TRPM3: variants seen among roughly 807,000 people sequenced by gnomAD.
TRPM3 encodes long transient receptor potential channel 3.
In TRPM3, 77 loss-of-function variants were observed where a neutral mutation model predicts 181.2. The observed-to-expected ratio is 0.42, with a 90% CI of 0.35 to 0.51. TRPM3 has a LOEUF of 0.51. TRPM3 is among the 20% of genes least tolerant of loss of function. The probability of loss-of-function intolerance (pLI) is 0.01; values close to 1 mark genes in which losing one functional copy is unlikely to be tolerated. For missense variants in TRPM3, 1,759 were observed against 2,196.7 expected, an observed-to-expected ratio of 0.80 and a Z score of 3.98; for synonymous variants, 745 against 796.4, an observed-to-expected ratio of 0.94 and a Z score of 1.09.
At chr9:71,413,578 TC>T (rs1163172137) in intron 1 of TRPM3, among the ~76,000 whole-genome samples, 2 of 152,094 alleles carry the variant, frequency 1.3e-5, no homozygotes, top group African/African-American at 4.8e-5. Flanking sequence ...TCTGAATGTG[TC>T]CCCCAAAATT....
At position 71,187,822 on chromosome 9, in the gene TRPM3, G is replaced by A. The variant is rs190896808; in HGVS notation, c.183+258831C>T. Among the ~76,000 whole-genome samples the A allele has an allele frequency of 8.6e-5, 13 of 151,532 alleles. 2 individuals carry two copies. In the East Asian group the frequency reaches 2.5e-3, roughly 29 times the overall value. On this transcript the variant is annotated intron_variant, in intron 1 of 24. Transcript: ENST00000357533. Reference sequence around the variant, plus strand: ...TGAACATAGTTTTCATAACACAAAAGAGAACATATTCTCCATATTCTTCTG... The same window carrying A: ...TGAACATAGTTTTCATAACACAAAAAAGAACATATTCTCCATATTCTTCTG...
chr9:71,165,350 A>G (rs1319894449), intron 1 of TRPM3, among the ~76,000 whole-genome samples: 2 of 152,110 alleles, frequency 1.3e-5, no homozygotes, highest in African/African-American at 2.4e-5. Flanking sequence ...CTGTTTTGTT[A>G]TGGGTTTTGT....
At chr9:71,002,708 T>C (rs2097621726) in intron 1 of TRPM3, among the ~76,000 whole-genome samples, 1 of 152,192 alleles carries the variant, frequency 6.6e-6, no homozygotes, top group African/African-American at 2.4e-5. Context: ...TAATGAATTA[T>C]AAATAAGTAA....
chr9:71,412,402 G>GA (rs1003327474), intron 1 of TRPM3, among the ~76,000 whole-genome samples: 22 of 151,748 alleles, frequency 1.4e-4, no homozygotes, highest in African/African-American at 4.6e-4. Flanking sequence ...AAATTTACAG[G>GA]AAAAAAAATC....
chr9:70,905,878 C>T (rs1483901540), intron 1 of TRPM3, among the ~76,000 whole-genome samples: 1 of 152,034 alleles, frequency 6.6e-6, no homozygotes, highest in Non-Finnish European at 1.5e-5. Context: ...GCTGGGAATA[C>T]AGATGTACGT....
At chr9:71,301,976 G>A (rs1185420256) in intron 1 of TRPM3, among the ~76,000 whole-genome samples, 1 of 152,062 alleles carries the variant, frequency 6.6e-6, no homozygotes, top group Non-Finnish European at 1.5e-5. Context: ...ATTTTGCTCT[G>A]AATGAAACAG....
intron 1 of TRPM3, among the ~76,000 whole-genome samples, chr9:71,260,841 C>T (rs1157873997): frequency 6.6e-6 from 1 of 152,198 alleles, no homozygotes; most frequent in Non-Finnish European, 1.5e-5. Context: ...GATAATTTGA[C>T]TTCCCCTTTT....
intron 1 of TRPM3, among the ~76,000 whole-genome samples, chr9:71,372,611 T>C (rs1191447039): frequency 2.0e-5 from 3 of 152,230 alleles, no homozygotes; most frequent in Admixed American, 2.0e-4. Context: ...TCAGTGATGT[T>C]GAGCTTTTTA....
rs1182414064 is a variant in TRPM3, at chr9:70,552,858, C to T, written c.3560G>A (p.Arg1187Lys). 1.9e-6 allele frequency: 3 copies of T among 1,613,946 alleles called. No individual in the cohort carries two copies. Among genetic ancestry groups the T allele is most frequent in the Non-Finnish European group, 2.5e-6 (3 of 1,180,030 alleles). ...WRKHESDPDERDYGLKLFITD... is the reference protein window; with the variant it reads ...WRKHESDPDEKDYGLKLFITD... ...TTGAAGCTTACTCAGGCCGTAGTCC[C>T]TTTCATCCGGGTCGCTCTCGTGTTT... is the stretch of plus-strand genomic sequence containing the variant. Residue 1187 changes from arginine to lysine, a missense_variant, in exon 24 of 26, where the codon AGG (arginine) becomes AAG (lysine). By Grantham distance (26) the Arg-to-Lys change is conservative. This residue lies in a region of TRPM3 where 96 missense variants were observed against 129.6 expected (regional missense o/e 0.74). Coordinates refer to ENST00000677713, the MANE Select transcript of TRPM3 (RefSeq NM_001366145.2).
intron 1 of TRPM3, among the ~76,000 whole-genome samples, chr9:71,004,355 C>T (rs770039771): frequency 6.6e-6 from 1 of 152,236 alleles, no homozygotes; most frequent in Non-Finnish European, 1.5e-5. Context: ...GACTGGGAAA[C>T]AAGGGCAGCA....
chr9:70,634,743 G>A (rs1320768161), intron 12 of TRPM3, among the ~76,000 whole-genome samples: 1 of 152,124 alleles, frequency 6.6e-6, no homozygotes. Context: ...TAGAAGAATG[G>A]AATGCATATT....
chr9:70,802,755 G>A (rs1371858917), intron 6 of TRPM3, among the ~76,000 whole-genome samples: 1 of 152,066 alleles, frequency 6.6e-6, no homozygotes, highest in Non-Finnish European at 1.5e-5. Context: ...AACATGCTAC[G>A]ATTCGACCCT....
At chr9:70,834,157 G>A (rs1004487096) in intron 5 of TRPM3, among the ~76,000 whole-genome samples, 4 of 152,142 alleles carry the variant, frequency 2.6e-5, no homozygotes, top group Non-Finnish European at 5.9e-5. Flanking sequence ...TCAAACAAGA[G>A]ACCAGCAAAC....
At chr9:71,022,303 C>G (rs2097853315) in intron 1 of TRPM3, among the ~76,000 whole-genome samples, 1 of 152,108 alleles carries the variant, frequency 6.6e-6, no homozygotes, top group African/African-American at 2.4e-5. Context: ...GAGTGGATAG[C>G]TTTTTCATGA....
chr9:71,409,835 T>C (rs113427921), intron 1 of TRPM3, among the ~76,000 whole-genome samples: 67,475 of 151,972 alleles, frequency 0.44, 15,192 homozygotes, highest in South Asian at 0.52. Context: ...GCACTTATTC[T>C]AAAATTGATC....
At chr9:71,360,316 A>T (rs1404493385) in intron 1 of TRPM3, among the ~76,000 whole-genome samples, 1 of 152,190 alleles carries the variant, frequency 6.6e-6, no homozygotes, top group East Asian at 1.9e-4. Context: ...TTTGGTAATC[A>T]GGGAACTGAT....
At chr9:70,701,240 T>C (rs896023270) in intron 8 of TRPM3, among the ~76,000 whole-genome samples, 1 of 152,230 alleles carries the variant, frequency 6.6e-6, no homozygotes, top group African/African-American at 2.4e-5. Context: ...TTATTATCTT[T>C]TGTTGTGACT....
intron 1 of TRPM3, among the ~76,000 whole-genome samples, chr9:71,113,593 C>T (rs542448366): frequency 3.9e-5 from 6 of 152,130 alleles, no homozygotes; most frequent in Admixed American, 2.0e-4. Flanking sequence ...TCTTTGAATC[C>T]GGAATACTAC....
chr9:71,215,033 CAAA>C lies in TRPM3; in HGVS notation c.183+231617_183+231619del, dbSNP rs67349189. Among the ~76,000 whole-genome samples the C allele has an allele frequency of 5.6e-3, 593 of 105,860 alleles. 4 individuals are homozygous for C. The highest frequency in any genetic ancestry group is 0.03 in the Middle Eastern group (5 of 166). 69.4% of individuals were successfully genotyped at this position (105,860 alleles called of 152,430 possible). A position where few individuals can be genotyped will look rare whatever the true frequency, so the allele number is the denominator to read the frequency against. ...CTGTTCACTCTGCCTCACCAAAAAA[CAAA>C]AAAAAAAAAACAAAAAAAAAAAAAA... On this transcript the variant is annotated intron_variant, in intron 1 of 24. Transcript: ENST00000357533.
Sources: gnomAD v4.1 joint callset for allele counts (sites outside exome capture counted in the v4.1 genomes callset) on GRCh38, gnomAD v4.1.1 for gene constraint, gnomAD v4.1.1 regional missense constraint, MANE v1.5 for transcripts, NCBI Gene and HGNC (gene_info 2026-07-23, HGNC 2026-07-21) for gene names.